RIMS1: variants seen among roughly 807,000 people sequenced by gnomAD.
RIMS1 encodes the protein regulating synaptic membrane exocytosis protein 1.
In RIMS1, 83 loss-of-function variants were observed where a neutral mutation model predicts 214.1. That is an observed-to-expected ratio of 0.39 (90% CI 0.32 to 0.47). The LOEUF (loss-of-function observed/expected upper bound fraction) is 0.47, where lower values mean the gene tolerates loss of function less well. Ranked by LOEUF, RIMS1 falls within the 20% of genes least tolerant of loss-of-function variation. The probability of loss-of-function intolerance (pLI) is 0.99; values close to 1 mark genes in which losing one functional copy is unlikely to be tolerated. For missense variants in RIMS1, 2,050 were observed against 2,161.8 expected, an observed-to-expected ratio of 0.95 and a Z score of 1.03; for synonymous variants, 793 against 786.8, an observed-to-expected ratio of 1.01 and a Z score of -0.13.
intron 4 of RIMS1, among the ~76,000 whole-genome samples, chr6:72,103,850 T>C (rs2034179959): frequency 6.6e-6 from 1 of 152,168 alleles, no homozygotes; most frequent in Admixed American, 6.6e-5. Context: ...GGGAATGAAG[T>C]AGTATCTCAT....
At chr6:72,018,381 T>G (rs963699842) in intron 2 of RIMS1, among the ~76,000 whole-genome samples, 1 of 152,164 alleles carries the variant, frequency 6.6e-6, no homozygotes, top group African/African-American at 2.4e-5. Context: ...TTTAAAGAAA[T>G]GGATTTATGT....
intron 29 of RIMS1, among the ~76,000 whole-genome samples, chr6:72,370,793 T>A (rs370847464): frequency 6.6e-6 from 1 of 151,592 alleles, no homozygotes; most frequent in Non-Finnish European, 1.5e-5. Flanking sequence ...GCTTAAAGAG[T>A]ACAAATAAAG....
chr6:72,091,573 C>A (rs1836242590), intron 2 of RIMS1, among the ~76,000 whole-genome samples: 1 of 152,066 alleles, frequency 6.6e-6, no homozygotes, highest in South Asian at 2.1e-4. Context: ...AGGCATTCAT[C>A]TTTGTTTCTT....
At chr6:72,104,173 T>C (rs932151311) in intron 4 of RIMS1, among the ~76,000 whole-genome samples, 4 of 152,286 alleles carry the variant, frequency 2.6e-5, no homozygotes, top group African/African-American at 9.6e-5. Flanking sequence ...ATCCCTAGGA[T>C]GCAAAGTAAG....
chr6:72,202,736 C>G (rs903774908), intron 6 of RIMS1, among the ~76,000 whole-genome samples: 3 of 152,138 alleles, frequency 2.0e-5, no homozygotes, highest in Non-Finnish European at 2.9e-5. Context: ...CCTTATTGAG[C>G]AGTTGCTTTA....
At chr6:71,932,942 T>C (rs1048528471) in intron 1 of RIMS1, among the ~76,000 whole-genome samples, 1 of 152,194 alleles carries the variant, frequency 6.6e-6, no homozygotes, top group Non-Finnish European at 1.5e-5. Flanking sequence ...AAATACATTT[T>C]ACTGAGCACA....
chr6:72,126,393 A>G (rs1452267638), intron 4 of RIMS1, among the ~76,000 whole-genome samples: 1 of 152,194 alleles, frequency 6.6e-6, no homozygotes, highest in Non-Finnish European at 1.5e-5. Context: ...CCCAAAAGCA[A>G]ATGCAACAAA....
intron 4 of RIMS1, chr6:72,148,556 G>A (rs975147461): frequency 7.9e-5 from 36 of 456,400 alleles, no homozygotes; most frequent in Non-Finnish European, 1.3e-4. Flanking sequence ...CCTGCTGTCA[G>A]TAACCTTGAG....
intron 2 of RIMS1, among the ~76,000 whole-genome samples, chr6:72,008,218 A>C (rs1808638553): frequency 1.3e-5 from 2 of 152,114 alleles, no homozygotes; most frequent in Admixed American, 6.5e-5. Context: ...ATATCCAGCC[A>C]AACTAAGCTT....
intron 1 of RIMS1, among the ~76,000 whole-genome samples, chr6:71,924,205 A>G (rs1780876060): frequency 1.3e-5 from 2 of 152,230 alleles, no homozygotes; most frequent in South Asian, 4.1e-4. Flanking sequence ...GAGGAAGAAT[A>G]CAAAACACAT....
intron 4 of RIMS1, among the ~76,000 whole-genome samples, chr6:72,123,025 T>C (rs2038739814): frequency 1.3e-5 from 2 of 151,858 alleles, no homozygotes; most frequent in African/African-American, 4.8e-5. Flanking sequence ...CTTTTGAATT[T>C]GGTTGCTCTT....
At chr6:72,011,754 G>GAA (rs1810703260) in intron 2 of RIMS1, among the ~76,000 whole-genome samples, 1 of 152,214 alleles carries the variant, frequency 6.6e-6, no homozygotes. Context: ...GACCATCAGA[G>GAA]AAATGCAAAT....
intron 6 of RIMS1, among the ~76,000 whole-genome samples, chr6:72,215,755 C>G (rs2055686146): frequency 6.6e-6 from 1 of 152,138 alleles, no homozygotes. Flanking sequence ...CAAACAGATT[C>G]TGAGTGAGAC....
intron 6 of RIMS1, among the ~76,000 whole-genome samples, chr6:72,188,787 T>G (rs2496512): frequency 0.53 from 79,892 of 152,012 alleles, 22,722 homozygotes; most frequent in East Asian, 0.83. Flanking sequence ...CAGGGCATGG[T>G]AATACTAAGA....
In RIMS1 at chr6:72,402,817, A is replaced by G. The variant is rs2098842757; in HGVS notation, c.*2103A>G. ...TTACTTTTCATGTCAGTCAGTAGCC[A>G]TATGTGTTCTATGTCTTGCCAGATT... is the stretch of plus-strand genomic sequence containing the variant. On this transcript the variant is annotated 3_prime_UTR_variant, in exon 34 of 34. Coordinates refer to ENST00000521978, the MANE Select transcript of RIMS1 (RefSeq NM_014989.7). 1 of 152,628 alleles carries G rather than the reference A, an allele frequency of 6.6e-6. No individual in the cohort carries two copies. Among genetic ancestry groups the G allele is most frequent in the African/African-American group, 2.4e-5 (1 of 41,456 alleles). 9.5% of individuals were successfully genotyped at this position (152,628 alleles called of 1,614,324 possible). A position where few individuals can be genotyped will look rare whatever the true frequency, so the allele number is the denominator to read the frequency against.
intron 4 of RIMS1, among the ~76,000 whole-genome samples, chr6:72,117,957 A>T (rs1381591638): frequency 2.6e-5 from 4 of 151,976 alleles, no homozygotes; most frequent in Admixed American, 2.6e-4. Context: ...TTGAAGTAAA[A>T]TAATACAAAA....
chr6:72,025,794 T>G (rs899391616), intron 2 of RIMS1, among the ~76,000 whole-genome samples: 1 of 152,238 alleles, frequency 6.6e-6, no homozygotes, highest in Non-Finnish European at 1.5e-5. Context: ...CTTGGATTCT[T>G]TCATGAGGTT....
intron 2 of RIMS1, among the ~76,000 whole-genome samples, chr6:72,005,578 T>G (rs979565685): frequency 6.6e-6 from 1 of 152,222 alleles, no homozygotes; most frequent in Non-Finnish European, 1.5e-5. Flanking sequence ...TCCCTTAAAT[T>G]CAGGCAAATA....
At chr6:72,322,218 C>A (rs937252472) in intron 28 of RIMS1, among the ~76,000 whole-genome samples, 1 of 151,990 alleles carries the variant, frequency 6.6e-6, no homozygotes, top group East Asian at 1.9e-4. Context: ...AAGTTTTAGC[C>A]CTGGAGCACC....
Sources: allele counts gnomAD v4.1 joint callset (sites outside exome capture counted in the v4.1 genomes callset), GRCh38; gene constraint gnomAD v4.1.1; transcripts MANE v1.5; gene names NCBI Gene and HGNC (gene_info 2026-07-23, HGNC 2026-07-21).